The following SIAH1 variants were observed in gnomAD, a reference collection of about 807,000 sequenced individuals.
The protein encoded by SIAH1 is E3 ubiquitin-protein ligase SIAH1.
Under a neutral mutation model 20.0 loss-of-function variants are expected in SIAH1, and 2 were observed. The observed-to-expected ratio is 0.10, with a 90% confidence interval of 0.04 to 0.31. SIAH1 has a LOEUF of 0.31. Among genes scored for constraint, SIAH1 ranks in the 10% least tolerant of loss-of-function variants. The pLI is 1.00. For missense variants in SIAH1, 119 were observed against 355.3 expected, an observed-to-expected ratio of 0.33 and a Z score of 5.35; for synonymous variants, 118 against 125.3, an observed-to-expected ratio of 0.94 and a Z score of 0.39.
chr16:48,375,498 C>T (rs1721322151), intron 1 of SIAH1, among the ~76,000 whole-genome samples: 1 of 151,968 alleles, frequency 6.6e-6, no homozygotes, highest in African/African-American at 2.4e-5. Context: ...ATTATCCAGG[C>T]ATGGTGGTGG....
intron 1 of SIAH1, among the ~76,000 whole-genome samples, chr16:48,367,004 T>C (rs959550996): frequency 2.0e-5 from 3 of 152,220 alleles, no homozygotes; most frequent in Middle Eastern, 3.4e-3. Flanking sequence ...TCTTCTGGGC[T>C]CGAGCAATCC....
At chr16:48,370,213 C>T (rs551398423) in intron 1 of SIAH1, among the ~76,000 whole-genome samples, 1 of 152,340 alleles carries the variant, frequency 6.6e-6, no homozygotes, top group African/African-American at 2.4e-5. Context: ...CACTCCCTTC[C>T]CTTTCCCTTA....
chr16:48,382,646 G>A lies in SIAH1; in HGVS notation c.-3+2558C>T, dbSNP rs72802177. Among the ~76,000 whole-genome samples the A allele has an allele frequency of 5.9e-3, 893 of 152,234 alleles. 7 individuals are homozygous for A. The highest frequency in any genetic ancestry group is 0.031 in the Middle Eastern group (9 of 294). ...AATTTCCTTTTTTGGCGGGGGGATGGAAGGTTCTGGGGATTTCATACAGAT... is the reference window on the plus strand; with the variant it reads ...AATTTCCTTTTTTGGCGGGGGGATGAAAGGTTCTGGGGATTTCATACAGAT... On this transcript the variant is annotated intron_variant, in intron 1 of 1. Transcript: ENST00000394725.
chr16:48,377,729 AG>A (rs1961149774), intron 1 of SIAH1, among the ~76,000 whole-genome samples: 1 of 152,008 alleles, frequency 6.6e-6, no homozygotes, highest in African/African-American at 2.4e-5. Context: ...AAATCGTTCT[AG>A]AAATACTGGT....
chr16:48,365,478 G>A (rs770321465), intron 1 of SIAH1: 12 of 1,612,670 alleles, frequency 7.4e-6, no homozygotes, highest in South Asian at 5.5e-5. Context: ...TTCCCGTCAT[G>A]AGAAGTCAGG....
At chr16:48,372,545 T>C (rs991393026) in intron 1 of SIAH1, among the ~76,000 whole-genome samples, 2 of 152,222 alleles carry the variant, frequency 1.3e-5, no homozygotes, top group Admixed American at 1.3e-4. Context: ...TCTATTCATA[T>C]TTATGGCCAC....
chr16:48,361,649 G>A lies in SIAH1; in HGVS notation c.780C>T (p.Asp260=), dbSNP rs1235771495. 1 of 1,612,996 alleles carries A rather than the reference G, an allele frequency of 6.2e-7. No homozygotes were observed. The highest frequency in any genetic ancestry group is 8.5e-7 in the Non-Finnish European group (1 of 1,178,962). The part of the protein sequence containing the change: ...AIMNSDCLVF[D]TSIAQLFAEN... ...CTGCAAAAAGCTGTGCAATGCTGGT[G>A]TCAAAGACTAGACAGTCGCTATTCA... The change falls in exon 2 of 2, where the codon GAC becomes GAT. Residue 260 remains aspartate (D), a synonymous_variant. Transcript: ENST00000394725.
At chr16:48,365,511 G>C (rs1960800209) in intron 1 of SIAH1, 4 of 1,603,220 alleles carry the variant, frequency 2.5e-6, no homozygotes, top group Non-Finnish European at 3.4e-6. Flanking sequence ...TTTCCCCCAA[G>C]AAGTAAAGGA....
intron 1 of SIAH1, among the ~76,000 whole-genome samples, chr16:48,364,558 G>A (rs980359137): frequency 6.6e-6 from 1 of 152,228 alleles, no homozygotes; most frequent in Admixed American, 6.5e-5. Context: ...GAAGCCCAGT[G>A]TGACCCAGGT....
intron 1 of SIAH1, among the ~76,000 whole-genome samples, chr16:48,366,075 C>A (rs1960829454): frequency 6.6e-6 from 1 of 151,986 alleles, no homozygotes; most frequent in South Asian, 2.1e-4. Context: ...AGGCCGGGGG[C>A]GTGGGGGAGC....
chr16:48,365,095 T>C (rs1248552736), intron 1 of SIAH1: 1 of 345,726 alleles, frequency 2.9e-6, no homozygotes, highest in Non-Finnish European at 5.4e-6. Flanking sequence ...CAGCAACTGC[T>C]AAAGCCTCTC....
chr16:48,364,229 T>G (rs1190344270), intron 1 of SIAH1, among the ~76,000 whole-genome samples: 2 of 152,122 alleles, frequency 1.3e-5, no homozygotes, highest in Admixed American at 6.6e-5. Context: ...CATGAGCCAC[T>G]GCGCCCGGCC....
rs759611392 is a variant in SIAH1, at chr16:48,361,499, T to G, written c.*81A>C. The G allele has an allele frequency of 6.9e-7, 1 of 1,438,850 alleles. No individual in the cohort carries two copies. The highest frequency in any genetic ancestry group is 2.3e-5 in the East Asian group (1 of 43,708). 89.1% of individuals were successfully genotyped at this position (1,438,850 alleles called of 1,614,324 possible). ...TAGCTTCCACCTACCGAAAGAGTTT[T>G]AGGTTGGCAGACAGATGGGTGCCTT... On this transcript the variant is annotated 3_prime_UTR_variant, in exon 2 of 2. Transcript: ENST00000394725.
At chr16:48,368,621 CTGGGAGG>C (rs1960905178) in intron 1 of SIAH1, among the ~76,000 whole-genome samples, 2 of 152,148 alleles carry the variant, frequency 1.3e-5, no homozygotes, top group African/African-American at 2.4e-5. Context: ...TCACTTGAAC[CTGGGAGG>C]CGGAGGCTGC....
chr16:48,361,732 G>T lies in SIAH1; in HGVS notation c.697C>A (p.Arg233=). 6.8e-6 allele frequency: 11 copies of T among 1,614,100 alleles called. No homozygotes were observed. Among genetic ancestry groups the T allele is most frequent in the Non-Finnish European group, 8.5e-6 (10 of 1,180,010 alleles). The stretch of plus-strand genomic sequence containing the variant: ...CGAGGAGTCGCTTCCCAAGTCAATC[G>T]TCGCCTATGACCATTTAGCTCAAGT... ...YRLELNGHRR[R]LTWEATPRSI... Residue 233 remains arginine, a synonymous_variant, in exon 2 of 2, where the codon CGA becomes AGA. Coordinates refer to ENST00000394725, the MANE Select transcript of SIAH1 (RefSeq NM_003031.4).
At position 48,385,311 on chromosome 16, in the gene SIAH1, G is replaced by A; in HGVS notation, c.-110C>T. ...ACCGCCTCTTCCCGGCGCCGAGACC[G>A]ACGGGACACCCTGGGCCGCCGCCGC... On this transcript the variant is annotated 5_prime_UTR_variant, in exon 1 of 2. Transcript: ENST00000394725. The A allele has an allele frequency of 3.9e-6, 1 of 255,738 alleles. No homozygotes were observed. 15.8% of individuals were successfully genotyped at this position (255,738 alleles called of 1,614,324 possible). A position where few individuals can be genotyped will look rare whatever the true frequency, so the allele number is the denominator to read the frequency against.
rs1196732215 is a variant in SIAH1 at position 48,361,500 on chromosome 16, A to AG, written c.*79dup. Reference sequence around the variant, plus strand: ...AGCTTCCACCTACCGAAAGAGTTTTAGGTTGGCAGACAGATGGGTGCCTTA... The same window carrying AG: ...AGCTTCCACCTACCGAAAGAGTTTTAGGGTTGGCAGACAGATGGGTGCCTTA... On this transcript the variant is annotated 3_prime_UTR_variant, in exon 2 of 2. Transcript: ENST00000394725. 1.4e-6 allele frequency: 2 copies of AG among 1,424,500 alleles called. No homozygotes were observed. The highest frequency in any genetic ancestry group is 4.6e-5 in the East Asian group (2 of 43,638). The allele number at this position is 1,424,500 out of a possible 1,614,324, so 88.2% of individuals were successfully genotyped here. A position where few individuals can be genotyped will look rare whatever the true frequency, so the allele number is the denominator to read the frequency against.
At chr16:48,384,738 G>T (rs1007054680) in intron 1 of SIAH1, among the ~76,000 whole-genome samples, 3 of 150,934 alleles carry the variant, frequency 2.0e-5, no homozygotes, top group African/African-American at 7.3e-5. Flanking sequence ...GAGGGGGAGG[G>T]AGGGCAGGGC....
At chr16:48,365,456 G>GT in intron 1 of SIAH1, 1 of 1,613,812 alleles carries the variant, frequency 6.2e-7, no homozygotes, top group Non-Finnish European at 8.5e-7. Context: ...TACAGAGAAG[G>GT]TGGAGTAGCC....
Sources: allele counts gnomAD v4.1 joint callset (sites outside exome capture counted in the v4.1 genomes callset), GRCh38; gene constraint gnomAD v4.1.1; transcripts MANE v1.5; gene names NCBI Gene and HGNC (gene_info 2026-07-23, HGNC 2026-07-21).